The following SLC16A1 variants were observed in gnomAD, a reference collection of about 807,000 sequenced individuals.
SLC16A1 encodes solute carrier family 16 member 1, also known as monocarboxylate transporter 1.
In SLC16A1, 11 loss-of-function variants were observed where a neutral mutation model predicts 32.2. The observed-to-expected ratio is 0.34, with a 90% CI of 0.21 to 0.56. The LOEUF (loss-of-function observed/expected upper bound fraction) is 0.56, where lower values mean the gene tolerates loss of function less well. SLC16A1 is among the 20% of genes least tolerant of loss of function. The pLI is 0.87. For synonymous variants in SLC16A1, 231 were observed against 226.8 expected (o/e 1.02, Z -0.17); for missense variants, 435 against 615.0 (o/e 0.71, Z 3.10).
At chr1:112,943,787 C>CAAA (rs60946516) in intron 1 of SLC16A1, among the ~76,000 whole-genome samples, 8 of 49,452 alleles carry the variant, frequency 1.6e-4, no homozygotes, top group East Asian at 1.5e-3. Context: ...GACTCCATCT[C>CAAA]AAAAAAAAAA....
At chr1:112,914,225 C>CA (rs1648426065) in intron 4 of SLC16A1, 60 bp from the exon 5 acceptor site, 1 of 1,580,696 alleles carries the variant, frequency 6.3e-7, no homozygotes, top group Middle Eastern at 1.7e-4. Context: ...TTTTTTCCCC[C>CA]AAGCAAAGCT....
Position 112,924,231 on chromosome 1 carries a change from T to C in SLC16A1, c.218-2098A>G, listed in dbSNP as rs879213822. The C allele has an allele frequency of 2.0e-5, 30 of 1,516,562 alleles. No individual in the cohort carries two copies. The South Asian group carries it at 2.6e-4, about 13-fold the overall frequency. 93.9% of individuals were successfully genotyped at this position (1,516,562 alleles called of 1,614,324 possible). On this transcript the variant is annotated intron_variant, in intron 2 of 4. Coordinates refer to ENST00000369626, the MANE Select transcript of SLC16A1 (RefSeq NM_003051.4). Reference sequence around the variant, plus strand: ...CCTGGGCATGTCCAGCTTGGAGCAGTTGGAGCAGAACTTGGCAGCGGCAGA... The same window carrying C: ...CCTGGGCATGTCCAGCTTGGAGCAGCTGGAGCAGAACTTGGCAGCGGCAGA...
chr1:112,938,892 AC>A (rs1046676935), intron 1 of SLC16A1, among the ~76,000 whole-genome samples: 1 of 141,922 alleles, frequency 7.0e-6, no homozygotes, highest in African/African-American at 2.6e-5. Flanking sequence ...TTTTTTTTTT[AC>A]CTTTTTTTCT....
At chr1:112,921,731 T>G (rs1459465385) in intron 3 of SLC16A1, among the ~76,000 whole-genome samples, 1 of 152,226 alleles carries the variant, frequency 6.6e-6, no homozygotes, top group Admixed American at 6.5e-5. Flanking sequence ...CTACCACTAC[T>G]GGCTATTCTT....
intron 2 of SLC16A1, among the ~76,000 whole-genome samples, chr1:112,922,732 G>A (rs368723790): frequency 2.6e-5 from 4 of 152,140 alleles, no homozygotes; most frequent in East Asian, 2.0e-4. Context: ...CCAAGATTGC[G>A]CCACTGCACT....
At position 112,917,505 on chromosome 1, in the gene SLC16A1, G is replaced by A. The variant is rs777573917; in HGVS notation, c.901C>T (p.Leu301Phe). Residue 301 changes from leucine (L) to phenylalanine (F), a missense_variant, in exon 4 of 5, where the codon CTT becomes TTT. By Grantham distance (22) the Leu-to-Phe change is conservative. Around this residue, in one of 2 missense-constraint regions of SLC16A1, gnomAD observed 324 missense variants for 500.3 expected, o/e 0.65. Transcript: ENST00000369626. The surrounding 1 kb of genome is among the most constrained non-coding windows in gnomAD (Gnocchi z 4.1). ...TCAACAAAAGCCAGAATGGAAAGAA[G>A]GAAGGCAGACTTCTCACTAGAATAA... is the stretch of plus-strand genomic sequence containing the variant. ...QHYSSEKSAFLLSILAFVDMV... is the reference protein window; with the variant it reads ...QHYSSEKSAFFLSILAFVDMV... 2 of 1,614,148 alleles carry A rather than the reference G, an allele frequency of 1.2e-6. No individual in the cohort carries two copies. Among genetic ancestry groups the A allele is most frequent in the Non-Finnish European group, 1.7e-6 (2 of 1,180,030 alleles).
chr1:112,929,430 C>G, intron 1 of SLC16A1, 78 bp from the exon 2 acceptor site: 2 of 828,948 alleles, frequency 2.4e-6, no homozygotes, highest in Non-Finnish European at 3.9e-6. Context: ...AGAAATATAG[C>G]CAATCGTGGT....
At chr1:112,933,899 T>C (rs137967052) in intron 1 of SLC16A1, among the ~76,000 whole-genome samples, 91 of 152,264 alleles carry the variant, frequency 6.0e-4, no homozygotes, top group African/African-American at 1.9e-3. Flanking sequence ...ATATAAAAAA[T>C]TCTCTAGCAG....
At chr1:112,927,204 A>C (rs1195498020) in intron 2 of SLC16A1, among the ~76,000 whole-genome samples, 2 of 151,942 alleles carry the variant, frequency 1.3e-5, no homozygotes, top group Non-Finnish European at 2.9e-5. Flanking sequence ...ATACTGTAGA[A>C]GTTAAAGTTT....
chr1:112,919,080 G>C (rs1162141822), intron 3 of SLC16A1, among the ~76,000 whole-genome samples: 1 of 147,546 alleles, frequency 6.8e-6, no homozygotes, highest in African/African-American at 2.5e-5. Flanking sequence ...GCCCAGGCTG[G>C]AGTGCAGTGG....
intron 4 of SLC16A1, among the ~76,000 whole-genome samples, chr1:112,916,800 T>C (rs938405074): frequency 4.0e-5 from 6 of 151,766 alleles, no homozygotes; most frequent in African/African-American, 1.5e-4. Flanking sequence ...CATGGTGGCA[T>C]GCATCTGTAA....
chr1:112,938,993 C>T (rs567555579), intron 1 of SLC16A1, among the ~76,000 whole-genome samples: 2 of 151,454 alleles, frequency 1.3e-5, no homozygotes, highest in South Asian at 2.1e-4. Flanking sequence ...CGGTTTCAAA[C>T]GATTCTCCTG....
intron 1 of SLC16A1, among the ~76,000 whole-genome samples, chr1:112,939,651 A>G (rs12064292): frequency 0.3 from 45,652 of 151,926 alleles, 8,777 homozygotes; most frequent in African/African-American, 0.54. Flanking sequence ...GATTACAAGC[A>G]TGTGCCACCA....
chr1:112,950,349 C>T (rs1023531408), intron 1 of SLC16A1, among the ~76,000 whole-genome samples: 1 of 152,220 alleles, frequency 6.6e-6, no homozygotes, highest in Non-Finnish European at 1.5e-5. Flanking sequence ...TAACACACCA[C>T]AGCAGTGTAT....
At chr1:112,919,011 T>TTAA (rs1648616209) in intron 3 of SLC16A1, among the ~76,000 whole-genome samples, 1 of 144,224 alleles carries the variant, frequency 6.9e-6, no homozygotes. Flanking sequence ...TACTAATTTA[T>TTAA]TTTATTTATT....
intron 2 of SLC16A1, among the ~76,000 whole-genome samples, chr1:112,924,523 G>A (rs1373608801): frequency 1.3e-5 from 2 of 152,056 alleles, no homozygotes; most frequent in Admixed American, 6.6e-5. Flanking sequence ...GTGTTAGTCT[G>A]TTTGCATTGC....
chr1:112,946,935 A>AT lies in SLC16A1; in HGVS notation c.-45+9099dup, dbSNP rs527979029. 8.3e-3 allele frequency among the ~76,000 whole-genome samples: 1,260 copies of AT among 152,192 alleles called. 18 individuals are homozygous for AT. The highest frequency in any genetic ancestry group is 0.028 in the African/African-American group (1,168 of 41,510). Reference sequence around the variant, plus strand: ...CAAATTTTGCCTTTTTTAATGCTTCATTTTTGCCTTCTTCTCACAGACTGA... The same window carrying AT: ...CAAATTTTGCCTTTTTTAATGCTTCATTTTTTGCCTTCTTCTCACAGACTGA... On this transcript the variant is annotated intron_variant, in intron 1 of 4. Coordinates refer to ENST00000369626, the MANE Select transcript of SLC16A1 (RefSeq NM_003051.4).
intron 1 of SLC16A1, among the ~76,000 whole-genome samples, chr1:112,952,824 G>C (rs181957381): frequency 1.3e-3 from 205 of 152,300 alleles, no homozygotes; most frequent in African/African-American, 4.7e-3. Flanking sequence ...CTTACAAGCT[G>C]AGCAGCCCTG....
chr1:112,936,611 T>G (rs1218494042), intron 1 of SLC16A1, among the ~76,000 whole-genome samples: 1 of 152,242 alleles, frequency 6.6e-6, no homozygotes, highest in South Asian at 2.1e-4. Flanking sequence ...TCTCTAGGAC[T>G]ATGCATTCTG....
Sources: gnomAD v4.1 joint callset for allele counts (sites outside exome capture counted in the v4.1 genomes callset) on GRCh38, gnomAD v4.1.1 for gene constraint, gnomAD v4.1.1 regional missense constraint, Gnocchi (gnomAD v3.1) non-coding constraint, MANE v1.5 for transcripts, NCBI Gene and HGNC (gene_info 2026-07-23, HGNC 2026-07-21) for gene names.